ASCC3: variants seen among roughly 807,000 people sequenced by gnomAD.
ASCC3 encodes ASC-1 complex subunit P200.
ASCC3 carries 158 observed loss-of-function variants against 256.3 expected under a neutral mutation model. That is an observed-to-expected ratio of 0.62 (90% CI 0.54 to 0.70). The LOEUF (loss-of-function observed/expected upper bound fraction) is 0.70, where lower values mean the gene tolerates loss of function less well. ASCC3 is among the 30% of genes least tolerant of loss of function. The pLI is 0.00. For synonymous variants in ASCC3, 948 were observed against 883.4 expected, an observed-to-expected ratio of 1.07 and a Z score of -1.30; for missense variants, 2,259 against 2,626.0, an observed-to-expected ratio of 0.86 and a Z score of 3.05.
intron 8 of ASCC3, among the ~76,000 whole-genome samples, chr6:100,778,179 T>G (rs907407207): frequency 6.6e-6 from 1 of 151,846 alleles, no homozygotes; most frequent in Non-Finnish European, 1.5e-5. Flanking sequence ...TGAGGAAGAT[T>G]AAGATGACAG....
At position 100,531,018 on chromosome 6, in the gene ASCC3, C is replaced by T. The variant is rs183285948; in HGVS notation, c.5775+9145G>A. 1.9e-4 allele frequency: 308 copies of T among 1,595,054 alleles called. 2 individuals carry two copies. The East Asian group carries it at 5.5e-3, about 28-fold the overall frequency. On this transcript the variant is annotated intron_variant, in intron 37 of 41. Coordinates refer to ENST00000369162, the MANE Select transcript of ASCC3 (RefSeq NM_006828.4). The stretch of plus-strand genomic sequence containing the variant: ...GATGACTTTGTGGAATTTGCACGCC[C>T]TCAAACTGCTGGGACAAAAAGTACA...
intron 16 of ASCC3, among the ~76,000 whole-genome samples, chr6:100,660,933 A>G (rs979040965): frequency 6.6e-6 from 1 of 150,856 alleles, no homozygotes; most frequent in Non-Finnish European, 1.5e-5. Flanking sequence ...TGAAATAGTA[A>G]GTGTGTTTTT....
chr6:100,638,049 G>A (rs1349403491), intron 25 of ASCC3, among the ~76,000 whole-genome samples: 4 of 152,120 alleles, frequency 2.6e-5, no homozygotes, highest in African/African-American at 7.2e-5. Context: ...GCTATCAGGC[G>A]GCATCACATG....
intron 10 of ASCC3, among the ~76,000 whole-genome samples, chr6:100,738,674 G>C (rs1023478952): frequency 2.0e-5 from 3 of 152,112 alleles, no homozygotes; most frequent in Non-Finnish European, 4.4e-5. Context: ...TGTTCTTTTT[G>C]CTTTGGACTG....
At chr6:100,542,299 AC>A (rs1327852932) in intron 36 of ASCC3, among the ~76,000 whole-genome samples, 10 of 152,252 alleles carry the variant, frequency 6.6e-5, no homozygotes, top group African/African-American at 2.2e-4. Flanking sequence ...TATGTTATGT[AC>A]AGTGGAAGGA....
intron 36 of ASCC3, among the ~76,000 whole-genome samples, chr6:100,552,740 G>GA (rs968533628): frequency 2.9e-4 from 42 of 144,208 alleles, no homozygotes; most frequent in African/African-American, 9.9e-4. Flanking sequence ...ATTTCTGAAA[G>GA]AAAAAAAAAA....
chr6:100,568,054 T>C (rs917027842), intron 36 of ASCC3, among the ~76,000 whole-genome samples: 44 of 150,648 alleles, frequency 2.9e-4, no homozygotes, highest in African/African-American at 9.3e-4. Flanking sequence ...ACAACATCTG[T>C]TTTTTTTTGA....
Position 100,694,199 on chromosome 6 carries a change from G to A in ASCC3, c.2152-14447C>T, listed in dbSNP as rs553267618. ...AAAAATAAAACAGTCCAGGTAGGTG[G>A]CTCCTGCCTTTAATCCCAGCACTTT... is the stretch of plus-strand genomic sequence containing the variant. On this transcript the variant is annotated intron_variant, in intron 13 of 41. Transcript: ENST00000369162. 1.1e-4 allele frequency among the ~76,000 whole-genome samples: 16 copies of A among 152,062 alleles called. No individual in the cohort carries two copies. In the South Asian group the frequency reaches 2.1e-3, roughly 20 times the overall value.
chr6:100,530,916 A>C, intron 37 of ASCC3: 1 of 1,319,440 alleles, frequency 7.6e-7, no homozygotes, highest in Non-Finnish European at 1.1e-6. Context: ...GACACTTGGA[A>C]TCTTCTTTTA....
intron 13 of ASCC3, among the ~76,000 whole-genome samples, chr6:100,686,267 G>A (rs767499016): frequency 7.9e-5 from 12 of 152,064 alleles, no homozygotes; most frequent in Non-Finnish European, 1.3e-4. Flanking sequence ...GTATAATTTT[G>A]CTCCTTATAA....
chr6:100,657,226 C>T (rs1775958198), intron 16 of ASCC3, among the ~76,000 whole-genome samples: 1 of 151,278 alleles, frequency 6.6e-6, no homozygotes, highest in Non-Finnish European at 1.5e-5. Context: ...TGTCTACTAA[C>T]TTTTAAATTT....
At position 100,631,384 on chromosome 6, in the gene ASCC3, A is replaced by G. The variant is rs570676791; in HGVS notation, c.4123-171T>C. ...CAACGGGAAAAAGTCATTAACTCAA[A>G]CTACATTTACCCAAAATAAGACAGA... On this transcript the variant is annotated intron_variant, in intron 25 of 41. Transcript: ENST00000369162. 3.4e-4 allele frequency among the ~76,000 whole-genome samples: 52 copies of G among 152,130 alleles called. No individual in the cohort carries two copies. In the South Asian group the frequency reaches 0.01, roughly 30 times the overall value.
intron 24 of ASCC3, among the ~76,000 whole-genome samples, chr6:100,641,441 A>G (rs1775116052): frequency 6.6e-6 from 1 of 152,136 alleles, no homozygotes; most frequent in African/African-American, 2.4e-5. Context: ...CATTTCTCTG[A>G]TGGCCAGTGA....
chr6:100,635,718 TAATA>T (rs199577506), intron 25 of ASCC3, among the ~76,000 whole-genome samples: 1,715 of 152,112 alleles, frequency 0.011, 38 homozygotes, highest in African/African-American at 0.039. Context: ...TTATTAAAAA[TAATA>T]TATACTAGGA....
intron 13 of ASCC3, among the ~76,000 whole-genome samples, chr6:100,712,018 G>A (rs1260405228): frequency 6.6e-6 from 1 of 152,104 alleles, no homozygotes; most frequent in Non-Finnish European, 1.5e-5. Flanking sequence ...AACAAGGAGT[G>A]AATATAGTCT....
chr6:100,527,829 CTTTG>C (rs1216958533), intron 37 of ASCC3, among the ~76,000 whole-genome samples: 1 of 151,386 alleles, frequency 6.6e-6, no homozygotes, highest in East Asian at 1.9e-4. Flanking sequence ...CACACATCTT[CTTTG>C]TTTTTTTTTT....
At chr6:100,750,921 ATGGTCACCT>A (rs1225274750) in intron 10 of ASCC3, among the ~76,000 whole-genome samples, 1 of 151,990 alleles carries the variant, frequency 6.6e-6, no homozygotes, top group East Asian at 1.9e-4. Context: ...CTTTCCTCTG[ATGGTCACCT>A]TGGGGCAGGG....
intron 37 of ASCC3, among the ~76,000 whole-genome samples, chr6:100,536,830 C>T (rs572112953): frequency 7.2e-5 from 11 of 152,090 alleles, no homozygotes; most frequent in African/African-American, 2.2e-4. Flanking sequence ...ACAAAATGGC[C>T]GATTCCAAAG....
At chr6:100,517,257 C>T (rs1219218201) in intron 38 of ASCC3, among the ~76,000 whole-genome samples, 1 of 152,128 alleles carries the variant, frequency 6.6e-6, no homozygotes, top group Admixed American at 6.6e-5. Context: ...TCTCAAATAA[C>T]TGCCACCCCT....
Sources: gnomAD v4.1 joint callset for allele counts (sites outside exome capture counted in the v4.1 genomes callset) on GRCh38, gnomAD v4.1.1 for gene constraint, MANE v1.5 for transcripts, NCBI Gene and HGNC (gene_info 2026-07-23, HGNC 2026-07-21) for gene names.